The following CDK14 variants were observed in gnomAD, a reference collection of about 807,000 sequenced individuals.
The protein encoded by CDK14 is cyclin-dependent kinase 14.
CDK14 carries 34 observed loss-of-function variants against 60.7 expected under a neutral mutation model. The observed-to-expected ratio is 0.56, with a 90% CI of 0.43 to 0.75. The LOEUF is 0.75. Ranked by LOEUF, CDK14 falls within the 30% of genes least tolerant of loss-of-function variation. The probability of loss-of-function intolerance (pLI) is 0.00; values close to 1 mark genes in which losing one functional copy is unlikely to be tolerated. For synonymous variants in CDK14, 197 were observed against 203.7 expected, an observed-to-expected ratio of 0.97 and a Z score of 0.28; for missense variants, 482 against 564.1, an observed-to-expected ratio of 0.85 and a Z score of 1.47.
intron 6 of CDK14, among the ~76,000 whole-genome samples, chr7:90,890,658 C>T (rs1015513178): frequency 2.6e-5 from 4 of 152,156 alleles, no homozygotes; most frequent in African/African-American, 9.7e-5. Flanking sequence ...TCAATTTAAT[C>T]TTGTGGACTG....
intron 8 of CDK14, among the ~76,000 whole-genome samples, chr7:90,925,171 C>G (rs2117448094): frequency 6.6e-6 from 1 of 152,222 alleles, no homozygotes; most frequent in South Asian, 2.1e-4. Context: ...TGTGAAATAT[C>G]TGTCAAGATA....
chr7:91,180,520 G>A (rs570296533), intron 14 of CDK14, among the ~76,000 whole-genome samples: 78 of 152,280 alleles, frequency 5.1e-4, no homozygotes, highest in Non-Finnish European at 9.0e-4. Context: ...GAATGTTGAC[G>A]TTAGTTCTCT....
chr7:90,951,780 T>C (rs1794270375), intron 8 of CDK14, among the ~76,000 whole-genome samples: 1 of 152,184 alleles, frequency 6.6e-6, no homozygotes, highest in African/African-American at 2.4e-5. Context: ...CCTGGACTCT[T>C]TTGGTGTATT....
chr7:91,045,822 A>G, intron 10 of CDK14, 75 bp from the exon 11 acceptor site: 6 of 926,966 alleles, frequency 6.5e-6, no homozygotes, highest in Non-Finnish European at 1.1e-5. Flanking sequence ...GTAGTGTACT[A>G]TTTTTCTACA....
At chr7:90,796,064 C>T (rs1305439426) in intron 5 of CDK14, among the ~76,000 whole-genome samples, 1 of 152,136 alleles carries the variant, frequency 6.6e-6, no homozygotes, top group African/African-American at 2.4e-5. Context: ...GAATCCTTAG[C>T]ACACTGAGAC....
intron 2 of CDK14, among the ~76,000 whole-genome samples, chr7:90,662,425 GATGGGGACATTTAA>G (rs944995112): frequency 3.3e-5 from 5 of 152,266 alleles, no homozygotes; most frequent in South Asian, 2.1e-4. Context: ...CAAAGCCAGA[GATGGGGACATTTAA>G]ATGGGGACAT....
Position 91,033,432 on chromosome 7 carries a change from C to A in CDK14, c.1042-12465C>A, listed in dbSNP as rs1796821706. Among the ~76,000 whole-genome samples the A allele has an allele frequency of 2.0e-5, 3 of 152,304 alleles. No homozygotes were observed. The South Asian group carries it at 6.2e-4, about 32-fold the overall frequency. On this transcript the variant is annotated intron_variant, in intron 10 of 14. Transcript: ENST00000380050. ...CATAACTTCCTCTCCTCTATTCGTG[C>A]TTTTTAGGTCGAAAAGTCCAATTAG...
chr7:90,812,233 A>T (rs1025444295), intron 5 of CDK14, among the ~76,000 whole-genome samples: 1 of 152,252 alleles, frequency 6.6e-6, no homozygotes, highest in African/African-American at 2.4e-5. Context: ...TCCAACAATG[A>T]TAAACTGGAT....
chr7:90,969,695 A>T (rs1794862463), intron 9 of CDK14, among the ~76,000 whole-genome samples: 1 of 152,184 alleles, frequency 6.6e-6, no homozygotes, highest in South Asian at 2.1e-4. Flanking sequence ...GTTTTAAATG[A>T]ATTATCAAAT....
rs962559733 is a variant in CDK14 at position 90,794,331 on chromosome 7, G to A, written c.544+3679G>A. Among the ~76,000 whole-genome samples, 10 of 152,066 alleles carry A rather than the reference G, an allele frequency of 6.6e-5. No individual in the cohort carries two copies. The East Asian group carries it at 1.3e-3, about 20-fold the overall frequency. ...TAACATCTTATCAGGAGACAGTGTCGGGGAGCAGACAACCGGTCTGACCAA... is the reference window on the plus strand; with the variant it reads ...TAACATCTTATCAGGAGACAGTGTCAGGGAGCAGACAACCGGTCTGACCAA... On this transcript the variant is annotated intron_variant, in intron 5 of 14. Coordinates refer to ENST00000380050, the MANE Select transcript of CDK14 (RefSeq NM_001287135.2).
intron 14 of CDK14, among the ~76,000 whole-genome samples, chr7:91,147,639 A>G (rs890609034): frequency 1.3e-5 from 2 of 152,134 alleles, no homozygotes; most frequent in African/African-American, 4.8e-5. Context: ...TTATGTTTGC[A>G]TATATGACAA....
At chr7:91,081,897 A>G (rs1455782866) in intron 12 of CDK14, among the ~76,000 whole-genome samples, 2 of 151,962 alleles carry the variant, frequency 1.3e-5, no homozygotes, top group East Asian at 1.9e-4. Context: ...TAATAAATAT[A>G]TATTAAAAAA....
chr7:90,763,564 A>G (rs1804413958), intron 4 of CDK14, among the ~76,000 whole-genome samples: 1 of 147,944 alleles, frequency 6.8e-6, no homozygotes, highest in South Asian at 2.1e-4. Flanking sequence ...CTGAACATAT[A>G]TTTGCTGACT....
intron 9 of CDK14, among the ~76,000 whole-genome samples, chr7:90,962,440 C>T (rs555181124): frequency 3.2e-4 from 49 of 151,892 alleles, no homozygotes; most frequent in African/African-American, 1.1e-3. Flanking sequence ...GAGTTGAGAT[C>T]GCACCATCGC....
intron 10 of CDK14, among the ~76,000 whole-genome samples, chr7:91,003,919 A>G (rs1562864411): frequency 6.6e-6 from 1 of 152,178 alleles, no homozygotes; most frequent in African/African-American, 2.4e-5. Context: ...GTCCCCGTGT[A>G]TCACCCTTTG....
intron 10 of CDK14, among the ~76,000 whole-genome samples, chr7:90,986,695 C>A (rs182282855): frequency 6.6e-6 from 1 of 151,880 alleles, no homozygotes; most frequent in East Asian, 1.9e-4. Context: ...CTTTAATGGG[C>A]TGTAGTTTAT....
intron 5 of CDK14, among the ~76,000 whole-genome samples, chr7:90,839,455 C>T (rs1047887715): frequency 4.6e-5 from 7 of 152,110 alleles, no homozygotes; most frequent in African/African-American, 9.7e-5. Context: ...TTTCTAGTGA[C>T]GAAGGTTGTA....
intron 2 of CDK14, among the ~76,000 whole-genome samples, chr7:90,660,633 C>T (rs993027258): frequency 6.6e-6 from 1 of 152,156 alleles, no homozygotes; most frequent in Non-Finnish European, 1.5e-5. Flanking sequence ...TATATACATA[C>T]AATATCAGTG....
chr7:90,648,557 G>A (rs895875489), intron 2 of CDK14, among the ~76,000 whole-genome samples: 2 of 152,012 alleles, frequency 1.3e-5, no homozygotes, highest in African/African-American at 2.4e-5. Flanking sequence ...CTACCTTCTG[G>A]CCCCTAGAGA....
Sources: gnomAD v4.1 joint callset for allele counts (sites outside exome capture counted in the v4.1 genomes callset) on GRCh38, gnomAD v4.1.1 for gene constraint, MANE v1.5 for transcripts, NCBI Gene and HGNC (gene_info 2026-07-23, HGNC 2026-07-21) for gene names.